Variants in RAD17 observed in about 807,000 individuals in gnomAD.
The protein encoded by RAD17 is cell cycle checkpoint protein RAD17.
RAD17 carries 31 observed loss-of-function variants against 81.5 expected under a neutral mutation model. That is an observed-to-expected ratio of 0.38 (90% CI 0.29 to 0.51). The LOEUF is 0.51. RAD17 is among the 20% of genes least tolerant of loss of function. The pLI, the probability that RAD17 is intolerant of heterozygous loss-of-function variation, is 0.88. For synonymous variants in RAD17, 261 were observed against 266.2 expected (o/e 0.98, Z 0.19); for missense variants, 681 against 781.2 (o/e 0.87, Z 1.53).
At chr5:69,389,821 A>T (rs1561254908) in intron 12 of RAD17, among the ~76,000 whole-genome samples, 1 of 152,154 alleles carries the variant, frequency 6.6e-6, no homozygotes. Flanking sequence ...TATTTTTAAT[A>T]GAGATGGGGT....
chr5:69,382,463 A>T lies in RAD17; in HGVS notation c.508+406A>T, dbSNP rs767188816. On this transcript the variant is annotated intron_variant, in intron 7 of 18. Transcript: ENST00000354868. Reference sequence around the variant, plus strand: ...TTGTCTCAAAAAATAAATAAATAAAAGTTATTTCAGGAGAAGGAAAGAAAG... The same window carrying T: ...TTGTCTCAAAAAATAAATAAATAAATGTTATTTCAGGAGAAGGAAAGAAAG... Among the ~76,000 whole-genome samples, 7 of 152,298 alleles carry T rather than the reference A, an allele frequency of 4.6e-5. No homozygotes were observed. The South Asian group carries it at 1.5e-3, about 32-fold the overall frequency.
rs758651449 is a variant in RAD17, at chr5:69,391,919, T to C, written c.1095T>C (p.Asp365=). Residue 365 remains aspartate, a synonymous_variant, in exon 13 of 19, where the codon GAT becomes GAC. Coordinates refer to ENST00000354868, the MANE Select transcript of RAD17 (RefSeq NM_133338.3). ...AATCAAAACGAAGAAAAAAACCTGA[T>C]AGGGTTTTTGAAAATCAAGAGGTCC... ...LSKSKRRKKP[D]RVFENQEVQA... 1.9e-6 allele frequency: 3 copies of C among 1,596,912 alleles called. No individual in the cohort carries two copies. In the Admixed American group the frequency reaches 5.4e-5, roughly 29 times the overall value.
intron 4 of RAD17, among the ~76,000 whole-genome samples, chr5:69,372,760 C>T (rs1206598635): frequency 6.6e-6 from 1 of 151,986 alleles, no homozygotes; most frequent in African/African-American, 2.4e-5. Flanking sequence ...TACAGGCGTG[C>T]GCCACCATGC....
At chr5:69,407,803 C>T (rs1372656708) in intron 17 of RAD17, among the ~76,000 whole-genome samples, 5 of 152,070 alleles carry the variant, frequency 3.3e-5, no homozygotes, top group Admixed American at 2.6e-4. Context: ...CTGCCTGCCT[C>T]GGCCTCCCAA....
At chr5:69,392,750 GT>G (rs1192339089) in intron 13 of RAD17, 1 of 435,362 alleles carries the variant, frequency 2.3e-6, no homozygotes, top group Admixed American at 2.5e-5. Flanking sequence ...CCCAACATAC[GT>G]TTATCGTCTC....
At chr5:69,379,148 A>G (rs902660850) in intron 6 of RAD17, among the ~76,000 whole-genome samples, 2 of 152,188 alleles carry the variant, frequency 1.3e-5, no homozygotes, top group African/African-American at 4.8e-5. Context: ...AGGCACAAGA[A>G]TCACTTGAAA....
At chr5:69,376,468 CTT>C (rs979086430) in intron 6 of RAD17, among the ~76,000 whole-genome samples, 4 of 152,132 alleles carry the variant, frequency 2.6e-5, no homozygotes, top group Non-Finnish European at 4.4e-5. Context: ...AGTTTTGTAT[CTT>C]TTCCTTTTTT....
chr5:69,372,342 C>A, intron 4 of RAD17, 125 bp downstream of exon 4: 1 of 858,416 alleles, frequency 1.2e-6, no homozygotes, highest in Non-Finnish European at 1.9e-6. Flanking sequence ...TTATAAGCCC[C>A]AAATTGTCTC....
chr5:69,376,441 A>G (rs934974749), intron 6 of RAD17, among the ~76,000 whole-genome samples: 10 of 152,236 alleles, frequency 6.6e-5, no homozygotes, highest in Admixed American at 2.0e-4. Flanking sequence ...TACATTTCCA[A>G]CTAGAAAGGC....
intron 11 of RAD17, among the ~76,000 whole-genome samples, chr5:69,387,325 A>G (rs559528889): frequency 4.6e-5 from 7 of 152,298 alleles, no homozygotes; most frequent in Non-Finnish European, 8.8e-5. Flanking sequence ...GTTTTAGGGA[A>G]TCCTATTGGT....
chr5:69,372,916 A>G (rs1247772713), intron 4 of RAD17, among the ~76,000 whole-genome samples: 2 of 152,174 alleles, frequency 1.3e-5, no homozygotes, highest in Admixed American at 1.3e-4. Flanking sequence ...AACCATTCCC[A>G]GGCATTTCTG....
chr5:69,410,647 A>C, intron 18 of RAD17, 97 bp downstream of exon 18: 1 of 1,109,120 alleles, frequency 9.0e-7, no homozygotes, highest in Non-Finnish European at 1.4e-6. Context: ...ACATCCAAGA[A>C]AGACATACTG....
At chr5:69,373,378 C>G (rs1763124772) in intron 4 of RAD17, among the ~76,000 whole-genome samples, 1 of 152,088 alleles carries the variant, frequency 6.6e-6, no homozygotes, top group Non-Finnish European at 1.5e-5. Context: ...CTATTACAGA[C>G]AGAGTTTTAT....
intron 8 of RAD17, 98 bp from the exon 9 acceptor site, chr5:69,385,945 A>G (rs1764185465): frequency 8.5e-7 from 1 of 1,173,220 alleles, no homozygotes; most frequent in Admixed American, 3.4e-5. Flanking sequence ...AAATACATTG[A>G]ATAAATATAT....
chr5:69,379,623 T>C (rs1416574200), intron 6 of RAD17, among the ~76,000 whole-genome samples: 1 of 152,208 alleles, frequency 6.6e-6, no homozygotes, highest in East Asian at 1.9e-4. Context: ...TTTATATCTT[T>C]ATTCTATAAA....
chr5:69,387,220 G>C (rs149378342), intron 11 of RAD17, among the ~76,000 whole-genome samples: 5 of 151,910 alleles, frequency 3.3e-5, no homozygotes, highest in African/African-American at 1.2e-4. Flanking sequence ...CTCTGTGCCC[G>C]GCTTCTTTTC....
At position 69,387,786 on chromosome 5, in the gene RAD17, G is replaced by A. The variant is rs188732596; in HGVS notation, c.895-1248G>A. Among the ~76,000 whole-genome samples the A allele has an allele frequency of 3.1e-3, 470 of 152,202 alleles. 4 individuals are homozygous for A. Among genetic ancestry groups the A allele is most frequent in the African/African-American group, 0.011 (452 of 41,518 alleles). On this transcript the variant is annotated intron_variant, in intron 11 of 18. Transcript: ENST00000354868. ...GCAGGAGAATAGCTTGAACCCAGGG[G>A]GTGGAGGTTGCAGTGAGCCGAGATT...
chr5:69,379,516 A>T (rs1420652272), intron 6 of RAD17, among the ~76,000 whole-genome samples: 9 of 152,140 alleles, frequency 5.9e-5, no homozygotes, highest in Admixed American at 5.2e-4. Context: ...GAAGGACTTT[A>T]TGTAGCTTTT....
At chr5:69,371,243 C>T (rs1210766012) in intron 2 of RAD17, 72 bp downstream of exon 2, 4 of 541,642 alleles carry the variant, frequency 7.4e-6, no homozygotes. Flanking sequence ...GTGAAAAACT[C>T]TTAACACCAC....
Sources: gnomAD v4.1 joint callset for allele counts (sites outside exome capture counted in the v4.1 genomes callset) on GRCh38, gnomAD v4.1.1 for gene constraint, MANE v1.5 for transcripts, NCBI Gene and HGNC (gene_info 2026-07-23, HGNC 2026-07-21) for gene names.